Variants in AKT3 observed in about 807,000 individuals in gnomAD.
AKT3 encodes RAC-gamma serine/threonine-protein kinase.
A neutral mutation model predicts 65.3 loss-of-function variants in AKT3; 15 were observed. The observed-to-expected ratio is 0.23, with a 90% CI of 0.15 to 0.35. AKT3 has a LOEUF of 0.35. Among genes scored for constraint, AKT3 ranks in the 10% least tolerant of loss-of-function variants. The pLI is 1.00. For synonymous variants in AKT3, 206 were observed against 183.8 expected (o/e 1.12, Z -0.98); for missense variants, 243 against 576.5 (o/e 0.42, Z 5.92).
At chr1:243,636,253 AT>A (rs1265196759) in intron 6 of AKT3, among the ~76,000 whole-genome samples, 1 of 152,048 alleles carries the variant, frequency 6.6e-6, no homozygotes, top group Non-Finnish European at 1.5e-5. Flanking sequence ...ATTTCATTTG[AT>A]TTGTAATTTA....
intron 10 of AKT3, 80 bp from the exon 11 acceptor site, chr1:243,553,023 A>G: frequency 8.9e-7 from 1 of 1,127,982 alleles, no homozygotes; most frequent in Non-Finnish European, 1.2e-6. Flanking sequence ...AGATTTTTAC[A>G]TAAAAATGAA....
intron 2 of AKT3, among the ~76,000 whole-genome samples, chr1:243,812,509 A>C (rs1277950761): frequency 6.6e-6 from 1 of 152,216 alleles, no homozygotes; most frequent in East Asian, 1.9e-4. Context: ...CGATCATTAA[A>C]AAGTCAGGAA....
chr1:243,522,020 A>G (rs563220718), intron 12 of AKT3, among the ~76,000 whole-genome samples: 2 of 152,346 alleles, frequency 1.3e-5, no homozygotes, highest in South Asian at 2.1e-4. Flanking sequence ...GAGAGGATTC[A>G]CCTATAAATT....
intron 2 of AKT3, among the ~76,000 whole-genome samples, chr1:243,759,000 T>C (rs1490230792): frequency 1.3e-5 from 2 of 152,146 alleles, no homozygotes; most frequent in African/African-American, 4.8e-5. Context: ...TTAAGTTAAG[T>C]AGGATCAGTG....
chr1:243,732,968 G>A (rs1558763023), intron 2 of AKT3, among the ~76,000 whole-genome samples: 2 of 152,176 alleles, frequency 1.3e-5, no homozygotes, highest in Admixed American at 6.5e-5. Context: ...TTCACAACTA[G>A]CACCCATTTG....
At chr1:243,778,425 A>T (rs1020145188) in intron 2 of AKT3, among the ~76,000 whole-genome samples, 1 of 152,212 alleles carries the variant, frequency 6.6e-6, no homozygotes, top group African/African-American at 2.4e-5. Flanking sequence ...GATATGAAGA[A>T]GATACAGGTA....
intron 2 of AKT3, among the ~76,000 whole-genome samples, chr1:243,800,146 G>T (rs1414874919): frequency 6.6e-6 from 1 of 152,102 alleles, no homozygotes; most frequent in Non-Finnish European, 1.5e-5. Flanking sequence ...CACTGTTTAG[G>T]AGTATACCTT....
At chr1:243,624,655 A>T (rs1679014836) in intron 6 of AKT3, 1 of 193,654 alleles carries the variant, frequency 5.2e-6, no homozygotes, top group Non-Finnish European at 1.1e-5. Flanking sequence ...AATCATGAAC[A>T]TTTTTATGCC....
intron 5 of AKT3, 86 bp from the exon 6 acceptor site, chr1:243,637,828 C>T: frequency 1.1e-6 from 1 of 920,446 alleles, no homozygotes; most frequent in Admixed American, 3.6e-5. Flanking sequence ...GCAATATCCA[C>T]TCAAAACCAA....
At chr1:243,840,640 T>C (rs1695185171) in intron 2 of AKT3, among the ~76,000 whole-genome samples, 1 of 151,982 alleles carries the variant, frequency 6.6e-6, no homozygotes, top group Non-Finnish European at 1.5e-5. Flanking sequence ...CCTTGACATA[T>C]AAAATAAATG....
At chr1:243,610,619 A>G (rs529381005) in intron 8 of AKT3, among the ~76,000 whole-genome samples, 2 of 152,334 alleles carry the variant, frequency 1.3e-5, no homozygotes, top group South Asian at 4.1e-4. Flanking sequence ...TAGATAATAC[A>G]TGTATGTGGC....
intron 2 of AKT3, among the ~76,000 whole-genome samples, chr1:243,747,736 A>C (rs2148197836): frequency 6.6e-6 from 1 of 152,336 alleles, no homozygotes; most frequent in South Asian, 2.1e-4. Context: ...ACCACATTAA[A>C]CTTATTGTAA....
chr1:243,651,013 T>A, intron 4 of AKT3, among the ~76,000 whole-genome samples: 1 of 152,206 alleles, frequency 6.6e-6, no homozygotes. Context: ...ATTTTCTTGA[T>A]ATTGATTCTT....
At position 243,589,425 on chromosome 1, in the gene AKT3, A is replaced by T. The variant is rs574040384; in HGVS notation, c.697-16377T>A. Among the ~76,000 whole-genome samples the T allele has an allele frequency of 2.6e-5, 4 of 152,308 alleles. No homozygotes were observed. In the East Asian group the frequency reaches 7.7e-4, roughly 29 times the overall value. On this transcript the variant is annotated intron_variant, in intron 8 of 13. Coordinates refer to ENST00000673466, the MANE Select transcript of AKT3 (RefSeq NM_005465.7). ...ATACACGTGGCCAGCAGATACATGA[A>T]AAGGTGCTCAAGATAGATCACTAGT...
At chr1:243,785,547 G>T (rs746015657) in intron 2 of AKT3, among the ~76,000 whole-genome samples, 1 of 152,046 alleles carries the variant, frequency 6.6e-6, no homozygotes, top group African/African-American at 2.4e-5. Flanking sequence ...TACTGAATTT[G>T]TGAAAACCTC....
rs1036233906 is a variant in AKT3, at chr1:243,505,420, T to C, written c.1355-86A>G. ...GTCTATGTTTTTTAAACTCTGAACA[T>C]AGGAAAGATGAACAGAGGCAATAGC... On this transcript the variant is annotated intron_variant, in intron 13 of 13. Transcript: ENST00000673466. The C allele has an allele frequency of 2.4e-5, 29 of 1,186,820 alleles. No individual in the cohort carries two copies. In the East Asian group the frequency reaches 3.1e-4, roughly 13 times the overall value. 73.5% of individuals were successfully genotyped at this position (1,186,820 alleles called of 1,614,324 possible). A position where few individuals can be genotyped will look rare whatever the true frequency, so the allele number is the denominator to read the frequency against.
intron 13 of AKT3, chr1:243,489,030 A>G (rs1446535595): frequency 3.1e-6 from 5 of 1,613,324 alleles, no homozygotes; most frequent in Non-Finnish European, 4.2e-6. Flanking sequence ...GCAGCTGGAT[A>G]AGCACAGCCA....
At chr1:243,551,750 A>G (rs1480934553) in intron 11 of AKT3, among the ~76,000 whole-genome samples, 1 of 152,124 alleles carries the variant, frequency 6.6e-6, no homozygotes, top group Admixed American at 6.5e-5. Flanking sequence ...CCATATACAA[A>G]CACACATATT....
At chr1:243,540,664 A>G (rs1033242331) in intron 12 of AKT3, among the ~76,000 whole-genome samples, 2 of 152,114 alleles carry the variant, frequency 1.3e-5, no homozygotes, top group African/African-American at 4.8e-5. Context: ...CTTTATTTCA[A>G]TTTCACCAGT....
Sources: allele counts gnomAD v4.1 joint callset (sites outside exome capture counted in the v4.1 genomes callset), GRCh38; gene constraint gnomAD v4.1.1; transcripts MANE v1.5; gene names NCBI Gene and HGNC (gene_info 2026-07-23, HGNC 2026-07-21).